The following CHODL variants were observed in gnomAD, a reference collection of about 807,000 sequenced individuals.
CHODL encodes chondrolectin.
Under a neutral mutation model 34.5 loss-of-function variants are expected in CHODL, and 29 were observed. The ratio of observed to expected loss-of-function variants is 0.84; its 90% CI spans 0.63 to 1.15. CHODL has a LOEUF of 1.15. Among genes scored for constraint, CHODL ranks in the 50% most tolerant of loss-of-function variants. CHODL has a pLI of 0.00. For missense variants in CHODL, 332 were observed against 332.5 expected (o/e 1.00, Z 0.01); for synonymous variants, 125 against 116.1 (o/e 1.08, Z -0.49).
chr21:17,929,330 A>G (rs2063252825), intron 1 of CHODL, among the ~76,000 whole-genome samples: 1 of 152,274 alleles, frequency 6.6e-6, no homozygotes, highest in African/African-American at 2.4e-5. Flanking sequence ...TGACATATTT[A>G]AAAAGTTTTT....
Position 17,934,095 on chromosome 21 carries a change from G to C in CHODL, c.-145+16695G>C, listed in dbSNP as rs2063299680. 2.0e-5 allele frequency among the ~76,000 whole-genome samples: 3 copies of C among 151,496 alleles called. No individual in the cohort carries two copies. The South Asian group carries it at 6.3e-4, about 32-fold the overall frequency. ...ACTGGAGACTCCAAAAGTTGAGAGA[G>C]AGAGTGAGGGTCGAAAAATTACCTA... On this transcript the variant is annotated intron_variant, in intron 1 of 6. Transcript: ENST00000400127.
chr21:18,051,692 T>C (rs1451117757), intron 2 of CHODL, among the ~76,000 whole-genome samples: 1 of 151,948 alleles, frequency 6.6e-6, no homozygotes, highest in Non-Finnish European at 1.5e-5. Flanking sequence ...TTGGTTCCTC[T>C]GGCTTTAGTA....
At chr21:18,167,782 T>A (rs1328337176) in intron 2 of CHODL, among the ~76,000 whole-genome samples, 2 of 152,208 alleles carry the variant, frequency 1.3e-5, no homozygotes, top group Admixed American at 6.5e-5. Context: ...ATGAGAAACC[T>A]GAGACCTGGT....
At chr21:18,060,680 C>A (rs1249806465) in intron 2 of CHODL, among the ~76,000 whole-genome samples, 1 of 135,284 alleles carries the variant, frequency 7.4e-6, no homozygotes, top group African/African-American at 2.9e-5. Context: ...AAGCTCAGGC[C>A]ATACAGTAGT....
At chr21:18,022,829 AT>A (rs1246250168) in intron 1 of CHODL, among the ~76,000 whole-genome samples, 1 of 152,232 alleles carries the variant, frequency 6.6e-6, no homozygotes, top group Non-Finnish European at 1.5e-5. Flanking sequence ...AATGAGCATT[AT>A]CTTGTTTAGT....
chr21:18,173,051 G>T (rs1601103072), intron 2 of CHODL, among the ~76,000 whole-genome samples: 1 of 152,148 alleles, frequency 6.6e-6, no homozygotes, highest in Admixed American at 6.5e-5. Context: ...GAACATGGCT[G>T]CTTGCTTTTT....
At chr21:18,026,949 ATAATT>A (rs564227945) in intron 1 of CHODL, among the ~76,000 whole-genome samples, 92 of 152,306 alleles carry the variant, frequency 6.0e-4, no homozygotes, top group African/African-American at 2.0e-3. Flanking sequence ...TTTTAGAAAG[ATAATT>A]TAAGAAAGAA....
chr21:18,171,708 T>G (rs569202492), intron 2 of CHODL, among the ~76,000 whole-genome samples: 2 of 150,324 alleles, frequency 1.3e-5, no homozygotes, highest in Non-Finnish European at 2.9e-5. Context: ...CTCTGAAAAT[T>G]AGATACTTCT....
intron 2 of CHODL, among the ~76,000 whole-genome samples, chr21:18,225,325 G>A (rs1000466493): frequency 6.6e-6 from 1 of 152,096 alleles, no homozygotes; most frequent in African/African-American, 2.4e-5. Context: ...TTACTTCTGA[G>A]TGTGTAACAA....
intron 2 of CHODL, among the ~76,000 whole-genome samples, chr21:18,166,045 C>T (rs1386999686): frequency 2.0e-5 from 3 of 152,098 alleles, no homozygotes; most frequent in South Asian, 2.1e-4. Flanking sequence ...CTCAGGGTTT[C>T]GTAAAGCTGG....
At chr21:18,181,544 A>G (rs2073382053) in intron 2 of CHODL, among the ~76,000 whole-genome samples, 1 of 152,174 alleles carries the variant, frequency 6.6e-6, no homozygotes, top group Non-Finnish European at 1.5e-5. Context: ...CTGGAACTAC[A>G]GGCGCCCGCC....
intron 2 of CHODL, among the ~76,000 whole-genome samples, chr21:18,155,498 C>T (rs2073023930): frequency 6.6e-6 from 1 of 152,206 alleles, no homozygotes; most frequent in African/African-American, 2.4e-5. Flanking sequence ...GTTCTTCCCT[C>T]TAATTCTGCA....
intron 1 of CHODL, among the ~76,000 whole-genome samples, chr21:17,962,893 C>A (rs1270752776): frequency 6.6e-6 from 1 of 151,784 alleles, no homozygotes; most frequent in Non-Finnish European, 1.5e-5. Flanking sequence ...GAAAACCTGT[C>A]TCTACTAAAA....
chr21:18,029,750 A>G (rs1040937141), intron 2 of CHODL, among the ~76,000 whole-genome samples: 1 of 152,126 alleles, frequency 6.6e-6, no homozygotes, highest in African/African-American at 2.4e-5. Context: ...CAGGTAAGTG[A>G]GCCTCAAGCA....
intron 2 of CHODL, among the ~76,000 whole-genome samples, chr21:18,128,137 A>G (rs2072599091): frequency 6.6e-6 from 1 of 151,006 alleles, no homozygotes. Flanking sequence ...CGTCTCTACT[A>G]AAAATACAAA....
intron 2 of CHODL, among the ~76,000 whole-genome samples, chr21:18,186,848 G>A (rs2146684862): frequency 6.6e-6 from 1 of 152,224 alleles, no homozygotes; most frequent in East Asian, 1.9e-4. Flanking sequence ...TGTTTGAATG[G>A]TTGCTGCTAT....
intron 2 of CHODL, among the ~76,000 whole-genome samples, chr21:18,127,498 C>T (rs1320762518): frequency 5.3e-5 from 8 of 151,978 alleles, no homozygotes; most frequent in Non-Finnish European, 8.8e-5. Flanking sequence ...TAGAAACCAG[C>T]TTGAATATGC....
At chr21:18,041,863 T>G (rs903350171) in intron 2 of CHODL, among the ~76,000 whole-genome samples, 3 of 151,912 alleles carry the variant, frequency 2.0e-5, no homozygotes, top group Non-Finnish European at 4.4e-5. Context: ...TTATATGTGC[T>G]AAAGGGAGCC....
chr21:17,954,815 C>A (rs1367589435), intron 1 of CHODL, among the ~76,000 whole-genome samples: 1 of 130,820 alleles, frequency 7.6e-6, no homozygotes, highest in Non-Finnish European at 1.7e-5. Context: ...TCATAATTCT[C>A]TCTCTGTATA....
Sources: gnomAD v4.1 joint callset for allele counts (sites outside exome capture counted in the v4.1 genomes callset) on GRCh38, gnomAD v4.1.1 for gene constraint, MANE v1.5 for transcripts, NCBI Gene and HGNC (gene_info 2026-07-23, HGNC 2026-07-21) for gene names.